PRR29: variants seen among roughly 807,000 people sequenced by gnomAD.
PRR29 encodes the protein proline-rich protein 29.
In PRR29, 20 loss-of-function variants were observed where a neutral mutation model predicts 25.1. The observed-to-expected ratio is 0.80, with a 90% CI of 0.56 to 1.16. The LOEUF is 1.16. Ranked by LOEUF, PRR29 falls within the 50% of genes most tolerant of loss-of-function variation. PRR29 has a pLI of 0.00. For missense variants in PRR29, 238 were observed against 246.6 expected, an observed-to-expected ratio of 0.97 and a Z score of 0.23; for synonymous variants, 108 against 102.6, an observed-to-expected ratio of 1.05 and a Z score of -0.32.
intron 1 of PRR29, 66 bp downstream of exon 1, chr17:63,998,490 C>T: frequency 7.0e-7 from 1 of 1,421,794 alleles, no homozygotes; most frequent in Non-Finnish European, 9.3e-7. Context: ...GGAGCTGTCC[C>T]TGGAGGGGCC....
chr17:64,001,962 G>A lies in PRR29; in HGVS notation c.*201G>A. ...ATGAGTTCCTGGACGGGCCGGATCT[G>A]TGCTGTTGTGTAAGAGCTCCCTAGA... On this transcript the variant is annotated 3_prime_UTR_variant, in exon 6 of 6. Coordinates refer to ENST00000412177, the MANE Select transcript of PRR29 (RefSeq NM_001164257.2). The A allele has an allele frequency of 2.0e-6, 3 of 1,534,982 alleles. No individual in the cohort carries two copies. In the South Asian group the frequency reaches 3.6e-5, roughly 18 times the overall value.
intron 3 of PRR29, chr17:64,000,008 C>G (rs886458142): frequency 2.0e-5 from 3 of 152,552 alleles, no homozygotes; most frequent in African/African-American, 7.2e-5. Flanking sequence ...GAAGCAGGGA[C>G]TGGGTGGAGA....
chr17:64,000,969 A>G, intron 3 of PRR29, 115 bp from the exon 4 acceptor site: 1 of 931,436 alleles, frequency 1.1e-6, no homozygotes, highest in Non-Finnish European at 1.6e-6. Flanking sequence ...CCTGGCCACA[A>G]GCCATTCTTA....
chr17:64,001,700 G>A lies in PRR29; in HGVS notation c.542-33G>A, dbSNP rs1331435017. ...ACCTCTTTGGGGTCCACTGAGACAG[G>A]AGGGAGTCAAGATGAGGTTCTTGTT... On this transcript the variant is annotated intron_variant, in intron 5 of 5. Transcript: ENST00000412177. 3 of 1,535,676 alleles carry A rather than the reference G, an allele frequency of 2.0e-6. No homozygotes were observed. The African/African-American group carries it at 4.1e-5, about 21-fold the overall frequency.
At position 64,002,051 on chromosome 17, in the gene PRR29, AG is replaced by A; in HGVS notation, c.*295del. On this transcript the variant is annotated 3_prime_UTR_variant, in exon 6 of 6. Coordinates refer to ENST00000412177, the MANE Select transcript of PRR29 (RefSeq NM_001164257.2). ...TGCCCCACTGCTTCCTGCCTGGAGC[AG>A]GGGGAGGCCTGGGAACAGAGCCCCC... is the stretch of plus-strand genomic sequence containing the variant. 2 of 1,477,640 alleles carry A rather than the reference AG, an allele frequency of 1.4e-6. No individual in the cohort carries two copies. The highest frequency in any genetic ancestry group is 1.4e-5 in the African/African-American group (1 of 71,944). The allele number at this position is 1,477,640 out of a possible 1,614,324, so 91.5% of individuals were successfully genotyped here.
chr17:63,998,797 T>TGCCCCCCCCCC lies in PRR29; in HGVS notation c.136+15_136+16insGCCCCCCCCCC. On this transcript the variant is annotated intron_variant, in intron 2 of 5. Coordinates refer to ENST00000412177, the MANE Select transcript of PRR29 (RefSeq NM_001164257.2). The stretch of plus-strand genomic sequence containing the variant: ...CGTGAAGGAAGGTGAGACTCCCGGG[T>TGCCCCCCCCCC]CCCCCCACCCCACCCCCACCATCAC... The TGCCCCCCCCCC allele has an allele frequency of 3.8e-6, 4 of 1,062,598 alleles. No individual in the cohort carries two copies. Among genetic ancestry groups the TGCCCCCCCCCC allele is most frequent in the Non-Finnish European group, 5.3e-6 (4 of 761,696 alleles). 65.8% of individuals were successfully genotyped at this position (1,062,598 alleles called of 1,614,324 possible).
In PRR29 at chr17:64,004,227, T is replaced by C. The variant is rs1283249765; in HGVS notation, c.*2466T>C. The C allele has an allele frequency of 3.5e-5, 17 of 480,812 alleles. No homozygotes were observed. The allele number at this position is 480,812 out of a possible 1,614,324, so 29.8% of individuals were successfully genotyped here. On this transcript the variant is annotated 3_prime_UTR_variant, in exon 6 of 6. Coordinates refer to ENST00000412177, the MANE Select transcript of PRR29 (RefSeq NM_001164257.2). ...AATTGTACAGCCAACTGGAAAGATA[T>C]AAAAGTTTGGGTCTGTCTCCTCTCC...
At chr17:64,001,626 G>T in intron 5 of PRR29, 89 bp downstream of exon 5, 1 of 1,498,810 alleles carries the variant, frequency 6.7e-7, no homozygotes, top group Non-Finnish European at 8.9e-7. Context: ...GGGGTTTGGG[G>T]GTTTCCTAAC....
chr17:64,002,789 C>A lies in PRR29; in HGVS notation c.*1028C>A. 2 of 1,613,512 alleles carry A rather than the reference C, an allele frequency of 1.2e-6. No homozygotes were observed. Among genetic ancestry groups the A allele is most frequent in the Non-Finnish European group, 1.7e-6 (2 of 1,179,988 alleles). On this transcript the variant is annotated 3_prime_UTR_variant, in exon 6 of 6. Coordinates refer to ENST00000412177, the MANE Select transcript of PRR29 (RefSeq NM_001164257.2). ...GGGGCAGCCTCCTCCAAGCCGCTCGCACCCCGTAGGTGCCCATCCGCTGCT... is the reference window on the plus strand; with the variant it reads ...GGGGCAGCCTCCTCCAAGCCGCTCGAACCCCGTAGGTGCCCATCCGCTGCT...
Position 64,001,151 on chromosome 17 carries a change from G to C in PRR29, c.311G>C (p.Gly104Ala). 6.5e-7 allele frequency: 1 copy of C among 1,537,470 alleles called. No homozygotes were observed. Among genetic ancestry groups the C allele is most frequent in the South Asian group, 1.2e-5 (1 of 84,066 alleles). The change falls in exon 4 of 6, where the codon GGG becomes GCG. Residue 104 changes from glycine (G) to alanine (A), a missense_variant. Coordinates refer to ENST00000412177, the MANE Select transcript of PRR29 (RefSeq NM_001164257.2). ...EEEEMDVREK[G>A]PLVFHHHYLP... ...GAGGAGATGGACGTGCGGGAGAAAG[G>C]GCCTTTGGTGTTTCACCACCACTAC...
chr17:64,004,036 C>T lies in PRR29; in HGVS notation c.*2275C>T. 1 of 1,174,282 alleles carries T rather than the reference C, an allele frequency of 8.5e-7. No homozygotes were observed. Among genetic ancestry groups the T allele is most frequent in the Admixed American group, 2.2e-5 (1 of 44,566 alleles). The allele number at this position is 1,174,282 out of a possible 1,614,324, so 72.7% of individuals were successfully genotyped here. A position where few individuals can be genotyped will look rare whatever the true frequency, so the allele number is the denominator to read the frequency against. ...CCCAGCAGCCTCCCCCTGGCCAGGG[C>T]CATCTCCTGTCACCATGGTGTTCCA... On this transcript the variant is annotated 3_prime_UTR_variant, in exon 6 of 6. Coordinates refer to ENST00000412177, the MANE Select transcript of PRR29 (RefSeq NM_001164257.2).
In PRR29 at chr17:64,002,019, C is replaced by A; in HGVS notation, c.*258C>A. 6.6e-7 allele frequency: 1 copy of A among 1,523,980 alleles called. No individual in the cohort carries two copies. Among genetic ancestry groups the A allele is most frequent in the Non-Finnish European group, 8.8e-7 (1 of 1,138,288 alleles). 94.4% of individuals were successfully genotyped at this position (1,523,980 alleles called of 1,614,324 possible). ...CCCAGGCCCTTGAAGCCACGTCAGC[C>A]CGCCTCTGCCCCACTGCTTCCTGCC... On this transcript the variant is annotated 3_prime_UTR_variant, in exon 6 of 6. Coordinates refer to ENST00000412177, the MANE Select transcript of PRR29 (RefSeq NM_001164257.2).
Position 64,003,071 on chromosome 17 carries a change from A to C in PRR29, c.*1310A>C, listed in dbSNP as rs1910912140. The C allele has an allele frequency of 6.3e-6, 4 of 638,688 alleles. No individual in the cohort carries two copies. The South Asian group carries it at 8.0e-5, about 13-fold the overall frequency. The allele number at this position is 638,688 out of a possible 1,614,324, so 39.6% of individuals were successfully genotyped here. On this transcript the variant is annotated 3_prime_UTR_variant, in exon 6 of 6. Coordinates refer to ENST00000412177, the MANE Select transcript of PRR29 (RefSeq NM_001164257.2). The stretch of plus-strand genomic sequence containing the variant: ...AGCAGTCACCCCAGTTGCAGAGATG[A>C]GTGGTGAATGGTGTCTGCATTAAAA...
Position 64,004,010 on chromosome 17 carries a change from T to C in PRR29, c.*2249T>C. 7.0e-7 allele frequency: 1 copy of C among 1,425,890 alleles called. No individual in the cohort carries two copies. Among genetic ancestry groups the C allele is most frequent in the South Asian group, 1.3e-5 (1 of 78,050 alleles). 88.3% of individuals were successfully genotyped at this position (1,425,890 alleles called of 1,614,324 possible). On this transcript the variant is annotated 3_prime_UTR_variant, in exon 6 of 6. Transcript: ENST00000412177. ...AGGTCTGGTCAGGATGGGGGTGCAG[T>C]CCCAGCAGCCTCCCCCTGGCCAGGG...
chr17:63,999,091 C>G lies in PRR29; in HGVS notation c.243+17C>G. 6.6e-7 allele frequency: 1 copy of G among 1,526,416 alleles called. No homozygotes were observed. The highest frequency in any genetic ancestry group is 8.8e-7 in the Non-Finnish European group (1 of 1,138,614). The allele number at this position is 1,526,416 out of a possible 1,614,324, so 94.6% of individuals were successfully genotyped here. A position where few individuals can be genotyped will look rare whatever the true frequency, so the allele number is the denominator to read the frequency against. On this transcript the variant is annotated intron_variant, in intron 3 of 5. Coordinates refer to ENST00000412177, the MANE Select transcript of PRR29 (RefSeq NM_001164257.2). ...TGCCCTCAGGTGCGTGTGGGTGGGCCGCCGGGGTCGCTCACCTGTGGGTCC... is the reference window on the plus strand; with the variant it reads ...TGCCCTCAGGTGCGTGTGGGTGGGCGGCCGGGGTCGCTCACCTGTGGGTCC...
At chr17:63,999,149 G>T (rs3181027) in intron 3 of PRR29, 75 bp downstream of exon 3, 103,779 of 1,153,298 alleles carry the variant, frequency 0.09, 5,832 homozygotes, top group East Asian at 0.25. Flanking sequence ...TTCCTGTTCA[G>T]GGGGGAAAAG....
chr17:64,000,053 G>C (rs1910528517), intron 3 of PRR29, among the ~76,000 whole-genome samples: 1 of 152,198 alleles, frequency 6.6e-6, no homozygotes, highest in Non-Finnish European at 1.5e-5. Context: ...GGCGGAGAGG[G>C]GTTCAAGGAA....
In PRR29 at chr17:63,998,797, T is replaced by A; in HGVS notation, c.136+15T>A. The A allele has an allele frequency of 1.9e-6, 2 of 1,062,604 alleles. No homozygotes were observed. The highest frequency in any genetic ancestry group is 1.4e-5 in the South Asian group (1 of 73,256). 65.8% of individuals were successfully genotyped at this position (1,062,604 alleles called of 1,614,324 possible). A position where few individuals can be genotyped will look rare whatever the true frequency, so the allele number is the denominator to read the frequency against. On this transcript the variant is annotated intron_variant, in intron 2 of 5. Coordinates refer to ENST00000412177, the MANE Select transcript of PRR29 (RefSeq NM_001164257.2). ...CGTGAAGGAAGGTGAGACTCCCGGG[T>A]CCCCCCACCCCACCCCCACCATCAC... is the stretch of plus-strand genomic sequence containing the variant.
In PRR29 at chr17:64,002,771, C is replaced by A; in HGVS notation, c.*1010C>A. 6.2e-7 allele frequency: 1 copy of A among 1,612,440 alleles called. No homozygotes were observed. Among genetic ancestry groups the A allele is most frequent in the Non-Finnish European group, 8.5e-7 (1 of 1,179,902 alleles). Reference sequence around the variant, plus strand: ...GCTATGGCCGGAAGGCCTGGGGCAGCCTCCTCCAAGCCGCTCGCACCCCGT... The same window carrying A: ...GCTATGGCCGGAAGGCCTGGGGCAGACTCCTCCAAGCCGCTCGCACCCCGT... On this transcript the variant is annotated 3_prime_UTR_variant, in exon 6 of 6. Transcript: ENST00000412177.
Sources: allele counts gnomAD v4.1 joint callset (sites outside exome capture counted in the v4.1 genomes callset), GRCh38; gene constraint gnomAD v4.1.1; transcripts MANE v1.5; gene names NCBI Gene and HGNC (gene_info 2026-07-23, HGNC 2026-07-21).